Variants in AGAP1 observed in about 807,000 individuals in gnomAD.
AGAP1 encodes the protein arf-GAP with GTPase, ANK repeat and PH domain-containing protein 1.
A neutral mutation model predicts 105.3 loss-of-function variants in AGAP1; 29 were observed. The ratio of observed to expected loss-of-function variants is 0.28; its 90% confidence interval spans 0.21 to 0.38. The LOEUF is 0.38. AGAP1 is among the 10% of genes least tolerant of loss of function. The pLI, the probability that AGAP1 is intolerant of heterozygous loss-of-function variation, is 1.00. For missense variants in AGAP1, 998 were observed against 1,165.1 expected (o/e 0.86, Z 2.09); for synonymous variants, 509 against 485.9 (o/e 1.05, Z -0.63).
At position 236,086,237 on chromosome 2, in the gene AGAP1, T is replaced by C. The variant is rs146264579; in HGVS notation, c.2115-33955T>C. ...ACATGACTGCGTAATTTTATCCTGA[T>C]TGGATCTCAGTGGTACTAACGTGCC... On this transcript the variant is annotated intron_variant, in intron 16 of 17. Transcript: ENST00000304032. 5.8e-4 allele frequency among the ~76,000 whole-genome samples: 88 copies of C among 152,348 alleles called. No individual in the cohort carries two copies. In the East Asian group the frequency reaches 0.011, roughly 19 times the overall value.
At chr2:236,021,995 G>T (rs2056898792) in intron 13 of AGAP1, among the ~76,000 whole-genome samples, 1 of 150,412 alleles carries the variant, frequency 6.6e-6, no homozygotes, top group Non-Finnish European at 1.5e-5. Flanking sequence ...GGAGGTGGAG[G>T]TTGCAGTGAG....
rs1942423792 is a variant in AGAP1, at chr2:235,517,171, G to GT, written c.163+22323dup. The stretch of plus-strand genomic sequence containing the variant: ...GCCTCACCTGGTCTTTTCCGTGTGT[G>GT]TGGTCTTCAGTGTTTTTCCGTTCTC... On this transcript the variant is annotated intron_variant, in intron 1 of 17. Coordinates refer to ENST00000304032, the MANE Select transcript of AGAP1 (RefSeq NM_001037131.3). This position sits in a 1 kb window ranked among gnomAD's most constrained non-coding sequence, Gnocchi z 4.1. Among the ~76,000 whole-genome samples the GT allele has an allele frequency of 6.6e-6, 1 of 152,210 alleles. No individual in the cohort carries two copies. The highest frequency in any genetic ancestry group is 6.5e-5 in the Admixed American group (1 of 15,280).
At chr2:235,816,326 T>A (rs111265381) in intron 9 of AGAP1, among the ~76,000 whole-genome samples, 1 of 150,772 alleles carries the variant, frequency 6.6e-6, no homozygotes, top group Admixed American at 6.6e-5. Flanking sequence ...TAGTCCCAGC[T>A]ACTTGGGAGC....
rs1399046142 is a variant in AGAP1 at position 236,089,068 on chromosome 2, T to G, written c.2115-31124T>G. ...CACCACCGTCCATCACGTGAAGGAG[T>G]AGAAAAAGTGGGATGCCACAGTTGC... On this transcript the variant is annotated intron_variant, in intron 16 of 17. Coordinates refer to ENST00000304032, the MANE Select transcript of AGAP1 (RefSeq NM_001037131.3). This position sits in a 1 kb window ranked among gnomAD's most constrained non-coding sequence, Gnocchi z 5.6. 6.6e-6 allele frequency among the ~76,000 whole-genome samples: 1 copy of G among 151,500 alleles called. No homozygotes were observed. Among genetic ancestry groups the G allele is most frequent in the East Asian group, 1.9e-4 (1 of 5,168 alleles).
rs951952622 is a variant in AGAP1, at chr2:235,927,633, C to T, written c.1325-3132C>T. Among the ~76,000 whole-genome samples, 13 of 152,126 alleles carry T rather than the reference C, an allele frequency of 8.5e-5. No homozygotes were observed. The highest frequency in any genetic ancestry group is 7.9e-4 in the Admixed American group (12 of 15,274). On this transcript the variant is annotated intron_variant, in intron 11 of 17. Transcript: ENST00000304032. This position sits in a 1 kb window ranked among gnomAD's most constrained non-coding sequence, Gnocchi z 4.4. ...GTCTGGGGTTGAGATTGACTTGGCT[C>T]TCCTTACTGTGTGTTGATACTTACT...
chr2:235,823,032 A>G (rs772188541), intron 9 of AGAP1, among the ~76,000 whole-genome samples: 2 of 152,186 alleles, frequency 1.3e-5, no homozygotes, highest in African/African-American at 2.4e-5. Context: ...CCACAAACCA[A>G]CATGTGTTCT....
chr2:235,834,264 C>G (rs1041441291), intron 9 of AGAP1, among the ~76,000 whole-genome samples: 1 of 152,232 alleles, frequency 6.6e-6, no homozygotes, highest in Non-Finnish European at 1.5e-5. Context: ...GTTTGTGTCT[C>G]TGCATGTTCT....
rs939200552 is a variant in AGAP1 at position 236,076,543 on chromosome 2, C to T, written c.2114+27262C>T. ...CTTCTCAGTGTGTGACCCAGGACACCGTGGAATCTGGGAAAGCCATGATTT... is the reference window on the plus strand; with the variant it reads ...CTTCTCAGTGTGTGACCCAGGACACTGTGGAATCTGGGAAAGCCATGATTT... On this transcript the variant is annotated intron_variant, in intron 16 of 17. Coordinates refer to ENST00000304032, the MANE Select transcript of AGAP1 (RefSeq NM_001037131.3). This position sits in a 1 kb window ranked among gnomAD's most constrained non-coding sequence, Gnocchi z 4.4. 5.9e-5 allele frequency among the ~76,000 whole-genome samples: 9 copies of T among 152,114 alleles called. No individual in the cohort carries two copies. The highest frequency in any genetic ancestry group is 2.2e-4 in the African/African-American group (9 of 41,424).
chr2:235,967,083 C>T lies in AGAP1; in HGVS notation c.1484-1379C>T, dbSNP rs910152295. Among the ~76,000 whole-genome samples, 5 of 152,250 alleles carry T rather than the reference C, an allele frequency of 3.3e-5. No individual in the cohort carries two copies. Among genetic ancestry groups the T allele is most frequent in the Admixed American group, 2.0e-4 (3 of 15,298 alleles). ...CCCAAAGCACAGGCGAGGGTCCTCACGGTGGCCCGCAAGCCCCCTCCTCTC... is the reference window on the plus strand; with the variant it reads ...CCCAAAGCACAGGCGAGGGTCCTCATGGTGGCCCGCAAGCCCCCTCCTCTC... On this transcript the variant is annotated intron_variant, in intron 12 of 17. Coordinates refer to ENST00000304032, the MANE Select transcript of AGAP1 (RefSeq NM_001037131.3). This position sits in a 1 kb window ranked among gnomAD's most constrained non-coding sequence, Gnocchi z 4.7.
chr2:236,110,757 A>G (rs765449720), intron 16 of AGAP1, among the ~76,000 whole-genome samples: 1 of 152,224 alleles, frequency 6.6e-6, no homozygotes, highest in Non-Finnish European at 1.5e-5. Flanking sequence ...TTGTAAATAA[A>G]GATGGAGAAA....
At chr2:235,881,737 G>A (rs1268449990) in intron 9 of AGAP1, among the ~76,000 whole-genome samples, 1 of 152,240 alleles carries the variant, frequency 6.6e-6, no homozygotes, top group African/African-American at 2.4e-5. Flanking sequence ...AGCAAGGTTT[G>A]CTGGGAATTG....
intron 6 of AGAP1, among the ~76,000 whole-genome samples, chr2:235,791,356 T>C (rs1956963318): frequency 6.6e-6 from 1 of 152,154 alleles, no homozygotes; most frequent in Non-Finnish European, 1.5e-5. Flanking sequence ...CTTTCATTAT[T>C]TATGGGAGGG....
At chr2:235,898,129 A>AC (rs1559622434) in intron 10 of AGAP1, among the ~76,000 whole-genome samples, 1 of 152,194 alleles carries the variant, frequency 6.6e-6, no homozygotes, top group African/African-American at 2.4e-5. Context: ...AAGTAAATGA[A>AC]CCATGTCTTA....
chr2:235,535,951 C>G lies in AGAP1; in HGVS notation c.163+41102C>G, dbSNP rs576515602. Among the ~76,000 whole-genome samples the G allele has an allele frequency of 6.6e-6, 1 of 152,112 alleles. No individual in the cohort carries two copies. The highest frequency in any genetic ancestry group is 2.4e-5 in the African/African-American group (1 of 41,484). ...TGGCTGGTGGACGTAAGGCCCCTCGCCCCATCTGCTTCCTGCTCTCCCAGA... is the reference window on the plus strand; with the variant it reads ...TGGCTGGTGGACGTAAGGCCCCTCGGCCCATCTGCTTCCTGCTCTCCCAGA... On this transcript the variant is annotated intron_variant, in intron 1 of 17. Transcript: ENST00000304032. This position sits in a 1 kb window ranked among gnomAD's most constrained non-coding sequence, Gnocchi z 5.1.
At chr2:235,658,188 A>AT (rs1267004505) in intron 1 of AGAP1, among the ~76,000 whole-genome samples, 6 of 151,936 alleles carry the variant, frequency 3.9e-5, no homozygotes, top group African/African-American at 9.7e-5. Context: ...ATATTTATGG[A>AT]TTTTTTTTCC....
At chr2:235,816,467 G>A (rs1421983121) in intron 9 of AGAP1, among the ~76,000 whole-genome samples, 2 of 149,122 alleles carry the variant, frequency 1.3e-5, no homozygotes, top group Non-Finnish European at 3.0e-5. Context: ...AGGAAAGAAA[G>A]AGCAGGAGTG....
In AGAP1 at chr2:236,046,369, C is replaced by T. The variant is rs1353996009; in HGVS notation, c.1892-2690C>T. Among the ~76,000 whole-genome samples the T allele has an allele frequency of 2.6e-5, 4 of 152,150 alleles. No individual in the cohort carries two copies. The highest frequency in any genetic ancestry group is 9.7e-5 in the African/African-American group (4 of 41,434). On this transcript the variant is annotated intron_variant, in intron 15 of 17. Coordinates refer to ENST00000304032, the MANE Select transcript of AGAP1 (RefSeq NM_001037131.3). This position sits in a 1 kb window ranked among gnomAD's most constrained non-coding sequence, Gnocchi z 5.2. ...TCTGCAGGGAAGTGACGGGCAAGGCCGCAGACAGGAGCCCCTTGCACCCCA... is the reference window on the plus strand; with the variant it reads ...TCTGCAGGGAAGTGACGGGCAAGGCTGCAGACAGGAGCCCCTTGCACCCCA...
At chr2:235,828,127 T>C (rs1959167077) in intron 9 of AGAP1, among the ~76,000 whole-genome samples, 1 of 152,238 alleles carries the variant, frequency 6.6e-6, no homozygotes, top group Admixed American at 6.5e-5. Flanking sequence ...CTTGTTCTCA[T>C]GTTTCTGGGA....
chr2:235,634,980 A>T (rs1682575502), intron 1 of AGAP1, among the ~76,000 whole-genome samples: 1 of 150,750 alleles, frequency 6.6e-6, no homozygotes, highest in Non-Finnish European at 1.5e-5. Context: ...CCCCCGCTGT[A>T]GACAGTGGCC....
Sources: gnomAD v4.1 joint callset for allele counts (sites outside exome capture counted in the v4.1 genomes callset) on GRCh38, gnomAD v4.1.1 for gene constraint, Gnocchi (gnomAD v3.1) non-coding constraint, MANE v1.5 for transcripts, NCBI Gene and HGNC (gene_info 2026-07-23, HGNC 2026-07-21) for gene names.